Variants in GRM5 observed in about 807,000 individuals in gnomAD.
The protein encoded by GRM5 is glutamate metabotropic receptor 5.
GRM5 carries 19 observed loss-of-function variants against 83.1 expected under a neutral mutation model. The ratio of observed to expected loss-of-function variants is 0.23; its 90% CI spans 0.16 to 0.34. The LOEUF (loss-of-function observed/expected upper bound fraction) is 0.34, where lower values mean the gene tolerates loss of function less well. Ranked by LOEUF, GRM5 falls within the 10% of genes least tolerant of loss-of-function variation. The pLI, the probability that GRM5 is intolerant of heterozygous loss-of-function variation, is 1.00. For synonymous variants in GRM5, 675 were observed against 633.6 expected, an observed-to-expected ratio of 1.07 and a Z score of -0.98; for missense variants, 1,160 against 1,588.3, an observed-to-expected ratio of 0.73 and a Z score of 4.58.
At chr11:88,936,200 T>C (rs1937887854) in intron 2 of GRM5, among the ~76,000 whole-genome samples, 1 of 151,764 alleles carries the variant, frequency 6.6e-6, no homozygotes, top group Admixed American at 6.6e-5. Context: ...TCCCTAAGAT[T>C]TAGGTTGCTA....
At chr11:88,981,504 G>A (rs1383484865) in intron 2 of GRM5, among the ~76,000 whole-genome samples, 4 of 152,084 alleles carry the variant, frequency 2.6e-5, no homozygotes, top group Non-Finnish European at 5.9e-5. Context: ...ACAAAACATT[G>A]GAATGGATTA....
At position 88,751,072 on chromosome 11, in the gene GRM5, C is replaced by CAAAAAAAAA. The variant is rs774458890; in HGVS notation, c.912-97678_912-97670dup. 1.3e-3 allele frequency among the ~76,000 whole-genome samples: 61 copies of CAAAAAAAAA among 47,332 alleles called. 1 individual carries two copies. Among genetic ancestry groups the CAAAAAAAAA allele is most frequent in the Middle Eastern group, 0.016 (1 of 62 alleles). 31.1% of individuals were successfully genotyped at this position (47,332 alleles called of 152,430 possible). ...AACAAACCCCAAAGATAGCAGAAGCCAAAAAAAAAAAAAAAAAAAAAAACA... is the reference window on the plus strand; with the variant it reads ...AACAAACCCCAAAGATAGCAGAAGCCAAAAAAAAAAAAAAAAAAAAAAAAAAAAAAAACA... On this transcript the variant is annotated intron_variant, in intron 3 of 9. Transcript: ENST00000305447.
At chr11:88,730,323 A>G (rs561212675) in intron 3 of GRM5, among the ~76,000 whole-genome samples, 13 of 152,338 alleles carry the variant, frequency 8.5e-5, no homozygotes, top group Admixed American at 7.2e-4. Flanking sequence ...CCACAATGAG[A>G]TACCATCTCA....
chr11:88,807,575 T>C (rs1320401784), intron 3 of GRM5, among the ~76,000 whole-genome samples: 2 of 152,090 alleles, frequency 1.3e-5, no homozygotes, highest in African/African-American at 4.8e-5. Context: ...CACTTACTGC[T>C]GGGCCCTGTG....
At chr11:88,644,795 G>A (rs1282967937) in intron 4 of GRM5, among the ~76,000 whole-genome samples, 1 of 151,980 alleles carries the variant, frequency 6.6e-6, no homozygotes, top group Non-Finnish European at 1.5e-5. Flanking sequence ...AAGAGAGGAG[G>A]GAAAGATTAC....
chr11:88,932,803 T>G (rs1937757861), intron 2 of GRM5, among the ~76,000 whole-genome samples: 1 of 151,880 alleles, frequency 6.6e-6, no homozygotes, highest in Non-Finnish European at 1.5e-5. Flanking sequence ...GACAAAACAG[T>G]GTAACATGGA....
intron 2 of GRM5, among the ~76,000 whole-genome samples, chr11:88,853,203 T>G (rs1250447456): frequency 6.6e-6 from 1 of 152,132 alleles, no homozygotes; most frequent in Non-Finnish European, 1.5e-5. Flanking sequence ...TCACGCTACT[T>G]ACAGGTATAA....
intron 3 of GRM5, among the ~76,000 whole-genome samples, chr11:88,805,540 GGTTT>G (rs1297069064): frequency 2.6e-5 from 3 of 116,678 alleles, no homozygotes; most frequent in Non-Finnish European, 4.8e-5. Context: ...GTTAAATGTT[GGTTT>G]CCAAAAAATA....
intron 2 of GRM5, among the ~76,000 whole-genome samples, chr11:88,854,810 TA>T (rs894750500): frequency 3.3e-5 from 5 of 151,974 alleles, no homozygotes; most frequent in African/African-American, 9.6e-5. Flanking sequence ...AATTATAAAA[TA>T]AAAAACTTTC....
chr11:88,573,277 A>G (rs1943043275), intron 7 of GRM5, among the ~76,000 whole-genome samples: 1 of 152,228 alleles, frequency 6.6e-6, no homozygotes, highest in Non-Finnish European at 1.5e-5. Flanking sequence ...TAAGTCTAAT[A>G]GCAGAATGGA....
chr11:88,927,646 A>T (rs138080317), intron 2 of GRM5, among the ~76,000 whole-genome samples: 78 of 152,262 alleles, frequency 5.1e-4, no homozygotes, highest in African/African-American at 1.7e-3. Flanking sequence ...GAGGAAGATC[A>T]TGCTTCTCAA....
intron 3 of GRM5, among the ~76,000 whole-genome samples, chr11:88,820,843 C>CAGTG (rs1364574001): frequency 1.3e-5 from 2 of 152,120 alleles, no homozygotes; most frequent in African/African-American, 2.4e-5. Flanking sequence ...GTAGAAAATA[C>CAGTG]AGTGAGCACT....
chr11:88,596,740 T>G (rs1047959351), intron 6 of GRM5, among the ~76,000 whole-genome samples: 10 of 152,236 alleles, frequency 6.6e-5, no homozygotes, highest in Admixed American at 3.3e-4. Context: ...TCATCACATT[T>G]TACATGATAT....
intron 2 of GRM5, among the ~76,000 whole-genome samples, chr11:88,985,558 A>T (rs574453666): frequency 6.6e-6 from 1 of 152,058 alleles, no homozygotes; most frequent in African/African-American, 2.4e-5. Context: ...CATAAAAAAA[A>T]TTATTAATTA....
chr11:88,617,632 G>A (rs1215507222), intron 4 of GRM5, among the ~76,000 whole-genome samples: 7 of 152,116 alleles, frequency 4.6e-5, no homozygotes, highest in Non-Finnish European at 7.3e-5. Flanking sequence ...GATAGTAAGC[G>A]GTGGGTGCAA....
chr11:88,924,897 G>A (rs1945759732), intron 2 of GRM5, among the ~76,000 whole-genome samples: 1 of 151,758 alleles, frequency 6.6e-6, no homozygotes, highest in Admixed American at 6.6e-5. Flanking sequence ...ATTTCACTAT[G>A]TATATGTTTA....
At chr11:88,968,714 TTA>T (rs1171798391) in intron 2 of GRM5, among the ~76,000 whole-genome samples, 1 of 152,066 alleles carries the variant, frequency 6.6e-6, no homozygotes, top group Admixed American at 6.6e-5. Context: ...CAAGATTTTT[TTA>T]GGGTGATAAC....
At position 88,928,151 on chromosome 11, in the gene GRM5, T is replaced by C. The variant is rs180934100; in HGVS notation, c.662-77996A>G. On this transcript the variant is annotated intron_variant, in intron 2 of 9. Transcript: ENST00000305447. ...TTCCCTGGGGTAAAAGGCATCTGAT[T>C]CTCAAAGGAGATATCAACAAAATTG... 3.3e-4 allele frequency among the ~76,000 whole-genome samples: 51 copies of C among 152,262 alleles called. 1 individual carries two copies. The East Asian group carries it at 9.1e-3, about 27-fold the overall frequency.
intron 3 of GRM5, among the ~76,000 whole-genome samples, chr11:88,704,699 G>A (rs1256845159): frequency 1.3e-5 from 2 of 152,062 alleles, no homozygotes; most frequent in Non-Finnish European, 2.9e-5. Context: ...TATTTGCAAA[G>A]TGCTGTCCTT....
Sources: gnomAD v4.1 joint callset for allele counts (sites outside exome capture counted in the v4.1 genomes callset) on GRCh38, gnomAD v4.1.1 for gene constraint, MANE v1.5 for transcripts, NCBI Gene and HGNC (gene_info 2026-07-23, HGNC 2026-07-21) for gene names.